The following GSTO2 variants were observed in gnomAD, a reference collection of about 807,000 sequenced individuals.
GSTO2 encodes the protein glutathione S-transferase omega 2.
A neutral mutation model predicts 28.4 loss-of-function variants in GSTO2; 23 were observed. The observed-to-expected ratio is 0.81, with a 90% CI of 0.58 to 1.15. GSTO2 has a LOEUF of 1.15. GSTO2 is among the 50% of genes most tolerant of loss of function. The pLI is 0.00. For synonymous variants in GSTO2, 109 were observed against 111.0 expected, an observed-to-expected ratio of 0.98 and a Z score of 0.11; for missense variants, 298 against 297.8, an observed-to-expected ratio of 1.00 and a Z score of 0.00.
At chr10:104,278,955 C>G (rs2011830335) in intron 4 of GSTO2, among the ~76,000 whole-genome samples, 1 of 152,178 alleles carries the variant, frequency 6.6e-6, no homozygotes, top group Non-Finnish European at 1.5e-5. Flanking sequence ...ATATCGAACA[C>G]TTATGATGTG....
At chr10:104,282,899 A>G (rs1023909216) in intron 5 of GSTO2, among the ~76,000 whole-genome samples, 1 of 152,210 alleles carries the variant, frequency 6.6e-6, no homozygotes, top group Non-Finnish European at 1.5e-5. Flanking sequence ...GACCTTTGGA[A>G]TGGTTTTATG....
intron 5 of GSTO2, among the ~76,000 whole-genome samples, chr10:104,281,618 A>G (rs2012048208): frequency 1.3e-5 from 2 of 152,206 alleles, no homozygotes; most frequent in South Asian, 2.1e-4. Flanking sequence ...TGCTGCAGAT[A>G]CTTGCATACA....
chr10:104,278,469 G>A (rs2011782777), intron 4 of GSTO2, among the ~76,000 whole-genome samples: 1 of 152,210 alleles, frequency 6.6e-6, no homozygotes, highest in Non-Finnish European at 1.5e-5. Flanking sequence ...ATTATGCATA[G>A]AAGGTGATGC....
intron 5 of GSTO2, among the ~76,000 whole-genome samples, chr10:104,284,855 T>C (rs1390350293): frequency 6.6e-6 from 1 of 152,242 alleles, no homozygotes; most frequent in Non-Finnish European, 1.5e-5. Context: ...GCTTTAAATC[T>C]AGAAAGTGTT....
At chr10:104,272,942 G>T (rs2011486478) in intron 1 of GSTO2, among the ~76,000 whole-genome samples, 1 of 151,888 alleles carries the variant, frequency 6.6e-6, no homozygotes, top group African/African-American at 2.4e-5. Context: ...GAATTAACTG[G>T]GTCAATACAC....
chr10:104,274,966 G>C lies in GSTO2; in HGVS notation c.34+17G>C, dbSNP rs750686852. 1.3e-5 allele frequency: 20 copies of C among 1,575,202 alleles called. No homozygotes were observed. In the South Asian group the frequency reaches 2.3e-4, roughly 18 times the overall value. On this transcript the variant is annotated intron_variant, in intron 2 of 6. Transcript: ENST00000338595. Reference sequence around the variant, plus strand: ...TGGGGAAAGGTGAGTGCTCTCCATGGGGTCCGCGAGCTGGGGGCGCCGCGT... The same window carrying C: ...TGGGGAAAGGTGAGTGCTCTCCATGCGGTCCGCGAGCTGGGGGCGCCGCGT...
At chr10:104,275,141 G>A in intron 2 of GSTO2, 85 bp from the exon 3 acceptor site, 1 of 1,528,268 alleles carries the variant, frequency 6.5e-7, no homozygotes, top group South Asian at 1.3e-5. Flanking sequence ...CAGCCATCTT[G>A]GGATCTGGGC....
intron 2 of GSTO2, 28 bp from the exon 3 acceptor site, chr10:104,275,198 C>G: frequency 6.3e-7 from 1 of 1,594,862 alleles, no homozygotes; most frequent in South Asian, 1.1e-5. Flanking sequence ...CTCTCCTTTC[C>G]CTGTCCCCCT....
chr10:104,289,467 C>T (rs546096174), intron 5 of GSTO2, among the ~76,000 whole-genome samples: 1 of 152,302 alleles, frequency 6.6e-6, no homozygotes, highest in Admixed American at 6.5e-5. Flanking sequence ...CAGAGTGGTC[C>T]TTTAATCCCC....
Position 104,275,236 on chromosome 10 carries a change from C to G in GSTO2, c.45C>G (p.Pro15=). The change falls in exon 3 of 7, where the codon CCC becomes CCG. Residue 15 remains proline (P), a synonymous_variant. Transcript: ENST00000338595. ...ATCGCTGCTCTGCAGGAAGCCAGCC[C>G]CCAGGGCCAGTCCCGGAGGGGCTGA... ...ATRTLGKGSQ[P]PGPVPEGLIR... The G allele has an allele frequency of 6.2e-7, 1 of 1,613,668 alleles. No homozygotes were observed. The highest frequency in any genetic ancestry group is 8.5e-7 in the Non-Finnish European group (1 of 1,179,778).
intron 5 of GSTO2, among the ~76,000 whole-genome samples, chr10:104,290,388 C>A (rs2012703680): frequency 6.6e-6 from 1 of 151,846 alleles, no homozygotes; most frequent in African/African-American, 2.4e-5. Context: ...GCCTGGAATC[C>A]CAGCTACTCA....
Position 104,279,483 on chromosome 10 carries a change from G to C in GSTO2, c.468+12G>C. ...GCAACCTGGAAGAGGTACAAAAAGG[G>C]GTCCCTCTCCTGGTCAGCTACAGTG... On this transcript the variant is annotated intron_variant, in intron 5 of 6. Transcript: ENST00000338595. 6.3e-7 allele frequency: 1 copy of C among 1,591,510 alleles called. No individual in the cohort carries two copies. The highest frequency in any genetic ancestry group is 8.6e-7 in the Non-Finnish European group (1 of 1,159,704).
At position 104,299,130 on chromosome 10, in the gene GSTO2, G is replaced by A. The variant is rs549996467; in HGVS notation, c.578G>A (p.Cys193Tyr). The change falls in exon 7 of 7, where the codon TGT becomes TAT. Residue 193 changes from cysteine to tyrosine, a missense_variant and splice_region_variant. Physicochemically the swap from Cys to Tyr is radical, Grantham distance 194. Coordinates refer to ENST00000338595, the MANE Select transcript of GSTO2 (RefSeq NM_183239.2). Reference sequence around the variant, plus strand: ...GACGCTTCTTTCCTGTCTTGCAGCTGTGTGAGCCACACGCCAGCCCTGCGG... The same window carrying A: ...GACGCTTCTTTCCTGTCTTGCAGCTATGTGAGCCACACGCCAGCCCTGCGG... ...ERLDVYGILD[C>Y]VSHTPALRLW... 6.2e-7 allele frequency: 1 copy of A among 1,613,448 alleles called. No individual in the cohort carries two copies. The highest frequency in any genetic ancestry group is 1.3e-5 in the African/African-American group (1 of 75,006).
intron 4 of GSTO2, 69 bp downstream of exon 4, chr10:104,278,185 T>C: frequency 1.5e-5 from 18 of 1,179,088 alleles, no homozygotes; most frequent in Non-Finnish European, 2.1e-5. Context: ...CCTCAACCCA[T>C]TTTAAAGCCA....
chr10:104,289,805 C>T lies in GSTO2; in HGVS notation c.469-7773C>T, dbSNP rs527788811. On this transcript the variant is annotated intron_variant, in intron 5 of 6. Coordinates refer to ENST00000338595, the MANE Select transcript of GSTO2 (RefSeq NM_183239.2). Reference sequence around the variant, plus strand: ...TAGACATTTCTCAAAAGAAGACACACAAATGGCAAACAGACATATGAAAAG... The same window carrying T: ...TAGACATTTCTCAAAAGAAGACACATAAATGGCAAACAGACATATGAAAAG... Among the ~76,000 whole-genome samples the T allele has an allele frequency of 2.1e-4, 32 of 152,180 alleles. No individual in the cohort carries two copies. The South Asian group carries it at 5.8e-3, about 28-fold the overall frequency.
At chr10:104,288,889 T>C (rs1053661905) in intron 5 of GSTO2, among the ~76,000 whole-genome samples, 1 of 152,242 alleles carries the variant, frequency 6.6e-6, no homozygotes, top group Non-Finnish European at 1.5e-5. Flanking sequence ...CATTTGAAAG[T>C]ATTGTGCTAT....
chr10:104,290,733 T>A (rs577739101), intron 5 of GSTO2, among the ~76,000 whole-genome samples: 4 of 152,146 alleles, frequency 2.6e-5, no homozygotes, highest in Admixed American at 6.5e-5. Flanking sequence ...AAGGATAGTT[T>A]GCAGAGGCTA....
Position 104,275,939 on chromosome 10 carries a change from T to A in GSTO2, c.143+605T>A, listed in dbSNP as rs575782626. On this transcript the variant is annotated intron_variant, in intron 3 of 6. Transcript: ENST00000338595. ...TTGCTATCAAGAGGTGTCTGGAAGT[T>A]TTCAAGACACCTTGAAAACTTGAGA... 8.9e-4 allele frequency among the ~76,000 whole-genome samples: 136 copies of A among 152,212 alleles called. 7 individuals are homozygous for A. The South Asian group carries it at 0.027, about 30-fold the overall frequency.
intron 1 of GSTO2, among the ~76,000 whole-genome samples, 186 bp from the exon 2 acceptor site, chr10:104,274,499 G>GA (rs950453293): frequency 2.0e-5 from 3 of 151,084 alleles, no homozygotes; most frequent in South Asian, 2.1e-4. Context: ...TTCAGAATGG[G>GA]AAAAAAAAAG....
Sources: gnomAD v4.1 joint callset for allele counts (sites outside exome capture counted in the v4.1 genomes callset) on GRCh38, gnomAD v4.1.1 for gene constraint, MANE v1.5 for transcripts, NCBI Gene and HGNC (gene_info 2026-07-23, HGNC 2026-07-21) for gene names.